FHAD1: variants seen among roughly 807,000 people sequenced by gnomAD.
The protein encoded by FHAD1 is forkhead associated phosphopeptide binding domain 1.
In FHAD1, 146 loss-of-function variants were observed where a neutral mutation model predicts 191.3. The ratio of observed to expected loss-of-function variants is 0.76; its 90% CI spans 0.67 to 0.88. The LOEUF is 0.88. Among genes scored for constraint, FHAD1 ranks in the 40% least tolerant of loss-of-function variants. FHAD1 has a pLI of 0.00. For synonymous variants in FHAD1, 616 were observed against 672.3 expected, an observed-to-expected ratio of 0.92 and a Z score of 1.29; for missense variants, 1,635 against 1,785.8, an observed-to-expected ratio of 0.92 and a Z score of 1.52.
intron 2 of FHAD1, among the ~76,000 whole-genome samples, chr1:15,267,827 T>C (rs1573804331): frequency 1.4e-5 from 2 of 147,294 alleles, no homozygotes; most frequent in Admixed American, 1.4e-4. Flanking sequence ...ATAAATTTTA[T>C]ATAGCATATA....
intron 2 of FHAD1, among the ~76,000 whole-genome samples, chr1:15,270,738 G>A (rs1029781784): frequency 6.6e-6 from 1 of 152,050 alleles, no homozygotes; most frequent in Non-Finnish European, 1.5e-5. Context: ...GGTTGACAGT[G>A]CCCTTAAAAG....
rs546977200 is a variant in FHAD1 at position 15,352,654 on chromosome 1, C to T, written c.2455-223C>T. Among the ~76,000 whole-genome samples, 285 of 152,312 alleles carry T rather than the reference C, an allele frequency of 1.9e-3. 3 individuals carry two copies. The highest frequency in any genetic ancestry group is 1.5e-3 in the Admixed American group (23 of 15,300). ...AGCCCTGAAGTCTTGAATGATGACT[C>T]ACTCTCTCCTTTACACACGTGACTA... is the stretch of plus-strand genomic sequence containing the variant. On this transcript the variant is annotated intron_variant, in intron 19 of 33. Transcript: ENST00000688493.
chr1:15,376,120 C>T lies in FHAD1; in HGVS notation c.3705+390C>T, dbSNP rs113864383. ...TTATTTATTTTTTGAGACAGAGTCTCGCTCTGTCACCCAGGCTGGAGTGCA... is the reference window on the plus strand; with the variant it reads ...TTATTTATTTTTTGAGACAGAGTCTTGCTCTGTCACCCAGGCTGGAGTGCA... On this transcript the variant is annotated intron_variant, in intron 28 of 33. Coordinates refer to ENST00000688493, the MANE Select transcript of FHAD1 (RefSeq NM_001391957.1). Among the ~76,000 whole-genome samples the T allele has an allele frequency of 5.3e-3, 793 of 148,506 alleles. 6 individuals carry two copies. The highest frequency in any genetic ancestry group is 0.019 in the African/African-American group (756 of 40,184).
chr1:15,264,334 T>C (rs1003161361), intron 2 of FHAD1, among the ~76,000 whole-genome samples: 2 of 152,218 alleles, frequency 1.3e-5, no homozygotes, highest in African/African-American at 2.4e-5. Flanking sequence ...TAGTTTTCAA[T>C]GTACAAGTCT....
chr1:15,283,466 A>G (rs981861933), intron 3 of FHAD1, among the ~76,000 whole-genome samples: 4 of 152,262 alleles, frequency 2.6e-5, no homozygotes, highest in African/African-American at 9.6e-5. Flanking sequence ...AGCACAGATT[A>G]TCATGAAATA....
chr1:15,353,042 C>G, intron 20 of FHAD1, 58 bp downstream of exon 20: 2 of 1,289,636 alleles, frequency 1.6e-6, no homozygotes, highest in Admixed American at 2.1e-5. Context: ...GGGCAGTGCT[C>G]TAGAGCCAGG....
chr1:15,305,373 T>A (rs1670128785), intron 6 of FHAD1, among the ~76,000 whole-genome samples: 1 of 152,120 alleles, frequency 6.6e-6, no homozygotes, highest in Middle Eastern at 3.2e-3. Context: ...CCTACCATGC[T>A]CCACGGCCTC....
chr1:15,331,808 A>G (rs2101908036), intron 14 of FHAD1, among the ~76,000 whole-genome samples: 1 of 152,198 alleles, frequency 6.6e-6, no homozygotes, highest in African/African-American at 2.4e-5. Context: ...AGTTAGGAAG[A>G]TTATTTATTC....
upstream of FHAD1, among the ~76,000 whole-genome samples, chr1:15,244,642 G>T (rs1218611582): frequency 6.6e-6 from 1 of 152,132 alleles, no homozygotes; most frequent in Non-Finnish European, 1.5e-5. This position sits in a 1 kb window ranked among gnomAD's most constrained non-coding sequence, Gnocchi z 5.1. Context: ...GGTGGCAGGG[G>T]CTTCCCCCTG....
chr1:15,270,406 G>A (rs867332664), intron 2 of FHAD1, among the ~76,000 whole-genome samples: 2 of 152,178 alleles, frequency 1.3e-5, no homozygotes, highest in East Asian at 1.9e-4. Context: ...GTCAAGCGGG[G>A]TGACTTTGGG....
intron 2 of FHAD1, among the ~76,000 whole-genome samples, chr1:15,258,989 C>T (rs554599086): frequency 6.6e-6 from 1 of 152,246 alleles, no homozygotes; most frequent in East Asian, 1.9e-4. Context: ...GAGGAACTGC[C>T]ATACTGTTTT....
At position 15,358,243 on chromosome 1, in the gene FHAD1, A is replaced by G; in HGVS notation, c.2696A>G (p.Asn899Ser). The G allele has an allele frequency of 6.5e-7, 1 of 1,533,484 alleles. No individual in the cohort carries two copies. Among genetic ancestry groups the G allele is most frequent in the Non-Finnish European group, 8.7e-7 (1 of 1,143,078 alleles). 95.0% of individuals were successfully genotyped at this position (1,533,484 alleles called of 1,614,324 possible). A position where few individuals can be genotyped will look rare whatever the true frequency, so the allele number is the denominator to read the frequency against. The stretch of plus-strand genomic sequence containing the variant: ...GCAGAGAGCCTCGCCTTGAAATTAA[A>G]TGAAACATTAGCCGAACTGGAAACT... ...LKAESLALKLNETLAELETTK... is the reference protein window; with the variant it reads ...LKAESLALKLSETLAELETTK... The change falls in exon 21 of 34, where the codon AAT (asparagine) becomes AGT (serine). Residue 899 changes from asparagine to serine, a missense_variant. Physicochemically the swap from Asn to Ser is conservative, Grantham distance 46. Coordinates refer to ENST00000688493, the MANE Select transcript of FHAD1 (RefSeq NM_001391957.1).
intron 20 of FHAD1, among the ~76,000 whole-genome samples, chr1:15,353,941 G>T (rs1007714588): frequency 3.3e-5 from 5 of 152,078 alleles, no homozygotes; most frequent in Non-Finnish European, 7.3e-5. Context: ...AAGCAATAGG[G>T]CATAATTCAC....
chr1:15,343,427 C>T (rs1040106772), intron 16 of FHAD1, among the ~76,000 whole-genome samples: 7 of 151,680 alleles, frequency 4.6e-5, no homozygotes, highest in African/African-American at 1.7e-4. Context: ...CTCTCTTCCC[C>T]GGAAGAGTAC....
chr1:15,275,693 T>TAGTG (rs1397805851), intron 3 of FHAD1, among the ~76,000 whole-genome samples: 1 of 152,028 alleles, frequency 6.6e-6, no homozygotes, highest in Non-Finnish European at 1.5e-5. Context: ...AAAAAGGAGG[T>TAGTG]AGTGAAGAGC....
chr1:15,353,514 G>C (rs904227998), intron 20 of FHAD1, among the ~76,000 whole-genome samples: 1 of 151,958 alleles, frequency 6.6e-6, no homozygotes, highest in African/African-American at 2.4e-5. Context: ...AGACCAGCCT[G>C]GCCAAAATGG....
At chr1:15,303,560 T>G (rs1669475907) in intron 6 of FHAD1, among the ~76,000 whole-genome samples, 1 of 152,194 alleles carries the variant, frequency 6.6e-6, no homozygotes, top group African/African-American at 2.4e-5. Context: ...TATAAATAAT[T>G]ACTCTGTAGC....
At position 15,349,100 on chromosome 1, in the gene FHAD1, A is replaced by G. The variant is rs982936688; in HGVS notation, c.2405A>G (p.Glu802Gly). 14 of 1,551,582 alleles carry G rather than the reference A, an allele frequency of 9.0e-6. No homozygotes were observed. In the African/African-American group the frequency reaches 1.8e-4, roughly 20 times the overall value. ...KRKAKEALES[E>G]KRKVQDLENH... ...AAAGCAAAGGAAGCCTTGGAGTCGG[A>G]AAAGAGAAAAGTTCAGGATCTGGAG... The change falls in exon 19 of 34, where the codon GAA becomes GGA. Residue 802 changes from glutamate to glycine, a missense_variant. Glu to Gly is a moderately conservative substitution (Grantham distance 98, BLOSUM62 -2). Transcript: ENST00000688493.
At chr1:15,286,049 G>A (rs2100431419) in intron 3 of FHAD1, among the ~76,000 whole-genome samples, 2 of 152,338 alleles carry the variant, frequency 1.3e-5, no homozygotes, top group South Asian at 4.1e-4. Context: ...TCTGAGGAGA[G>A]GAGAAGGGAG....
Sources: gnomAD v4.1 joint callset for allele counts (sites outside exome capture counted in the v4.1 genomes callset) on GRCh38, gnomAD v4.1.1 for gene constraint, Gnocchi (gnomAD v3.1) non-coding constraint, MANE v1.5 for transcripts, NCBI Gene and HGNC (gene_info 2026-07-23, HGNC 2026-07-21) for gene names.